The following WDR64 variants were observed in gnomAD, a reference collection of about 807,000 sequenced individuals.
WDR64 encodes WD repeat domain 64, also known as WD repeat-containing protein 64.
Under a neutral mutation model 139.3 loss-of-function variants are expected in WDR64, and 112 were observed. The ratio of observed to expected loss-of-function variants is 0.80; its 90% CI spans 0.69 to 0.94. WDR64 has a LOEUF of 0.94. Ranked by LOEUF, WDR64 falls within the 40% of genes least tolerant of loss-of-function variation. The pLI, the probability that WDR64 is intolerant of heterozygous loss-of-function variation, is 0.00. For missense variants in WDR64, 1,206 were observed against 1,293.1 expected, an observed-to-expected ratio of 0.93 and a Z score of 1.03; for synonymous variants, 444 against 437.7, an observed-to-expected ratio of 1.01 and a Z score of -0.18.
intron 25 of WDR64, among the ~76,000 whole-genome samples, chr1:241,794,324 G>A (rs758792386): frequency 2.0e-5 from 3 of 151,938 alleles, no homozygotes; most frequent in Non-Finnish European, 2.9e-5. Flanking sequence ...GACTAAAATA[G>A]TACAACCTAG....
chr1:241,742,479 C>T (rs1669586066), intron 12 of WDR64, among the ~76,000 whole-genome samples: 1 of 152,154 alleles, frequency 6.6e-6, no homozygotes, highest in African/African-American at 2.4e-5. Flanking sequence ...AAGATGGCGA[C>T]GAGAGTGACC....
chr1:241,779,992 A>G lies in WDR64; in HGVS notation c.2537-12A>G, dbSNP rs1192137843. 1.3e-6 allele frequency: 2 copies of G among 1,582,200 alleles called. No homozygotes were observed. Among genetic ancestry groups the G allele is most frequent in the African/African-American group, 2.8e-5 (2 of 72,440 alleles). On this transcript the variant is annotated splice_polypyrimidine_tract_variant and intron_variant, in intron 21 of 27. Coordinates refer to ENST00000437684, the MANE Select transcript of WDR64 (RefSeq NM_001367482.1). Reference sequence around the variant, plus strand: ...ATCTAATTAAAGATTCCAATGTTTAAATTTTATACAGAAGGACATGTTATC... The same window carrying G: ...ATCTAATTAAAGATTCCAATGTTTAGATTTTATACAGAAGGACATGTTATC...
intron 15 of WDR64, among the ~76,000 whole-genome samples, chr1:241,763,252 T>C (rs1658003942): frequency 6.6e-6 from 1 of 152,162 alleles, no homozygotes; most frequent in Non-Finnish European, 1.5e-5. Flanking sequence ...AAAGAAAAAC[T>C]ATGGTGATAA....
intron 2 of WDR64, among the ~76,000 whole-genome samples, chr1:241,668,523 A>G (rs531372269): frequency 6.6e-6 from 1 of 152,272 alleles, no homozygotes; most frequent in South Asian, 2.1e-4. Context: ...TAACTTTCCC[A>G]GCAAAGTTTC....
At chr1:241,692,163 A>C (rs1213666293) in intron 8 of WDR64, among the ~76,000 whole-genome samples, 2 of 152,242 alleles carry the variant, frequency 1.3e-5, no homozygotes, top group East Asian at 3.8e-4. Context: ...TCAAGGAATT[A>C]AATGAAGAGA....
chr1:241,764,114 A>C (rs1207047731), intron 15 of WDR64, among the ~76,000 whole-genome samples: 1 of 152,146 alleles, frequency 6.6e-6, no homozygotes, highest in Admixed American at 6.6e-5. Flanking sequence ...GGCTGGAGTA[A>C]TACTGGGAGT....
chr1:241,723,519 G>A, intron 10 of WDR64, 83 bp downstream of exon 10: 1 of 1,434,324 alleles, frequency 7.0e-7, no homozygotes, highest in East Asian at 2.5e-5. Context: ...TACAATTTTT[G>A]ACTGAAATAA....
chr1:241,755,528 T>C (rs1670155075), intron 14 of WDR64, among the ~76,000 whole-genome samples: 1 of 152,242 alleles, frequency 6.6e-6, no homozygotes, highest in Non-Finnish European at 1.5e-5. Context: ...ACTCTGATGA[T>C]AGTTTCTTTT....
At chr1:241,672,048 A>T (rs1438930505) in intron 3 of WDR64, among the ~76,000 whole-genome samples, 1 of 151,944 alleles carries the variant, frequency 6.6e-6, no homozygotes, top group Non-Finnish European at 1.5e-5. Context: ...GGTGGTGTGC[A>T]CCTGTAGTCC....
At chr1:241,741,947 A>G (rs80300412) in intron 12 of WDR64, among the ~76,000 whole-genome samples, 6,772 of 152,272 alleles carry the variant, frequency 0.044, 511 homozygotes, top group African/African-American at 0.16. Flanking sequence ...AGACAGAACT[A>G]GTCTGCATTT....
intron 8 of WDR64, among the ~76,000 whole-genome samples, chr1:241,699,374 C>G (rs866377057): frequency 3.3e-5 from 5 of 152,108 alleles, no homozygotes; most frequent in Admixed American, 6.6e-5. Context: ...ATTTACTTAG[C>G]AAATACTTAT....
rs1024314458 is a variant in WDR64, at chr1:241,652,438, C to T, written c.-47C>T. ...CTGGAAAGTTTTCCAAATTGGTAAA[C>T]TTGCAGTATTCTTTCTGTACAGAAG... On this transcript the variant is annotated 5_prime_UTR_variant, in exon 1 of 28. Transcript: ENST00000437684. 3 of 1,519,326 alleles carry T rather than the reference C, an allele frequency of 2.0e-6. No homozygotes were observed. Among genetic ancestry groups the T allele is most frequent in the African/African-American group, 2.8e-5 (2 of 71,348 alleles). The allele number at this position is 1,519,326 out of a possible 1,614,324, so 94.1% of individuals were successfully genotyped here.
rs1669520305 is a variant in WDR64 at position 241,741,029 on chromosome 1, G to T, written c.1322-487G>T. On this transcript the variant is annotated intron_variant, in intron 11 of 27. Transcript: ENST00000437684. Reference sequence around the variant, plus strand: ...CACTGGCTTGTGATCATTCTCATTTGTTACATTTAATAAGACCATGTTTAC... The same window carrying T: ...CACTGGCTTGTGATCATTCTCATTTTTTACATTTAATAAGACCATGTTTAC... 2.0e-5 allele frequency among the ~76,000 whole-genome samples: 3 copies of T among 152,214 alleles called. No homozygotes were observed. In the South Asian group the frequency reaches 6.2e-4, roughly 32 times the overall value.
chr1:241,673,925 G>A (rs998303513), intron 3 of WDR64, among the ~76,000 whole-genome samples: 3 of 151,826 alleles, frequency 2.0e-5, no homozygotes, highest in East Asian at 1.9e-4. Flanking sequence ...TTTATCATGC[G>A]TAAACCACAA....
At chr1:241,756,558 C>T (rs1479751691) in intron 14 of WDR64, among the ~76,000 whole-genome samples, 1 of 151,972 alleles carries the variant, frequency 6.6e-6, no homozygotes, top group African/African-American at 2.4e-5. Flanking sequence ...TTAAAGGGTC[C>T]CATTTCATAT....
intron 26 of WDR64, 41 bp downstream of exon 26, chr1:241,795,328 T>C: frequency 2.6e-6 from 4 of 1,543,788 alleles, no homozygotes; most frequent in South Asian, 2.3e-5. Context: ...CACAGAACAG[T>C]AGAGAATCTG....
chr1:241,691,607 T>C (rs1206462073), intron 8 of WDR64, among the ~76,000 whole-genome samples: 1 of 108,520 alleles, frequency 9.2e-6, no homozygotes, highest in African/African-American at 3.7e-5. Context: ...TCATCTATAG[T>C]ACTGGACAGT....
chr1:241,797,060 T>G (rs902817674), intron 27 of WDR64, among the ~76,000 whole-genome samples: 10 of 152,238 alleles, frequency 6.6e-5, no homozygotes, highest in Admixed American at 6.5e-4. Flanking sequence ...GGTCAGTTTC[T>G]GTCTTAGCTG....
chr1:241,744,509 G>C lies in WDR64; in HGVS notation c.1587G>C (p.Ala529=). 1 of 1,613,968 alleles carries C rather than the reference G, an allele frequency of 6.2e-7. No homozygotes were observed. The highest frequency in any genetic ancestry group is 8.5e-7 in the Non-Finnish European group (1 of 1,179,938). ...GTGGATTTCTTTTTGCCACAGGAGC[G>C]TATAATGGTCAGACTAACATCCAGA... ...DESGFLFATG[A]YNGTVRIWDF... The change falls in exon 13 of 28, where the codon GCG becomes GCC. Residue 529 remains alanine (A), a synonymous_variant. Coordinates refer to ENST00000437684, the MANE Select transcript of WDR64 (RefSeq NM_001367482.1).
Sources: gnomAD v4.1 joint callset for allele counts (sites outside exome capture counted in the v4.1 genomes callset) on GRCh38, gnomAD v4.1.1 for gene constraint, MANE v1.5 for transcripts, NCBI Gene and HGNC (gene_info 2026-07-23, HGNC 2026-07-21) for gene names.